Variants in CIT observed in about 807,000 individuals in gnomAD.
The protein encoded by CIT is citron Rho-interacting kinase.
A neutral mutation model predicts 272.7 loss-of-function variants in CIT; 79 were observed. The ratio of observed to expected loss-of-function variants is 0.29; its 90% CI spans 0.24 to 0.35. CIT has a LOEUF of 0.35. Among genes scored for constraint, CIT ranks in the 10% least tolerant of loss-of-function variants. CIT has a pLI of 1.00. For missense variants in CIT, 1,909 were observed against 2,618.3 expected (o/e 0.73, Z 5.91); for synonymous variants, 948 against 995.6 (o/e 0.95, Z 0.90).
Position 119,778,085 on chromosome 12 carries a change from C to G in CIT, c.1666-1243G>C, listed in dbSNP as rs532484504. Among the ~76,000 whole-genome samples the G allele has an allele frequency of 2.1e-4, 32 of 152,330 alleles. No homozygotes were observed. In the East Asian group the frequency reaches 5.8e-3, roughly 28 times the overall value. On this transcript the variant is annotated intron_variant, in intron 13 of 47. Coordinates refer to ENST00000392521, the MANE Select transcript of CIT (RefSeq NM_001206999.2). ...GTAACATCACTCCTGCAATGCAAGT[C>G]ACCCTGAAATCTGGAAGAGTCACAA...
chr12:119,844,831 C>T (rs1054584785), intron 5 of CIT, among the ~76,000 whole-genome samples: 1 of 152,006 alleles, frequency 6.6e-6, no homozygotes, highest in African/African-American at 2.4e-5. Flanking sequence ...GCATTAAGAA[C>T]CCTCCTAGGC....
chr12:119,808,449 G>A (rs185333636), intron 9 of CIT, among the ~76,000 whole-genome samples: 312 of 151,866 alleles, frequency 2.1e-3, no homozygotes, highest in African/African-American at 7.0e-3. Flanking sequence ...GCCATTCCAC[G>A]CAACATACCA....
chr12:119,694,324 G>A lies in CIT; in HGVS notation c.5882+3335C>T, dbSNP rs773120376. Among the ~76,000 whole-genome samples, 10 of 152,198 alleles carry A rather than the reference G, an allele frequency of 6.6e-5. No individual in the cohort carries two copies. The highest frequency in any genetic ancestry group is 1.3e-4 in the Non-Finnish European group (9 of 68,048). On this transcript the variant is annotated intron_variant, in intron 46 of 47. Coordinates refer to ENST00000392521, the MANE Select transcript of CIT (RefSeq NM_001206999.2). The surrounding 1 kb of genome is among the most constrained non-coding windows in gnomAD (Gnocchi z 4.5). ...AGTCATTTATTGCAGCAACAGATTGGAGACAACTCGAACAGCCATTAATGA... is the reference window on the plus strand; with the variant it reads ...AGTCATTTATTGCAGCAACAGATTGAAGACAACTCGAACAGCCATTAATGA...
chr12:119,731,848 T>C (rs918961384), intron 26 of CIT, among the ~76,000 whole-genome samples: 1 of 141,346 alleles, frequency 7.1e-6, no homozygotes, highest in African/African-American at 3.0e-5. Context: ...ATACTTTTTT[T>C]TTTTTGAGAT....
chr12:119,797,867 T>C (rs773440838), intron 10 of CIT, among the ~76,000 whole-genome samples: 6 of 152,168 alleles, frequency 3.9e-5, no homozygotes, highest in Non-Finnish European at 8.8e-5. Context: ...AATGTAGATG[T>C]GAATAGACAT....
At position 119,712,042 on chromosome 12, in the gene CIT, C is replaced by G. The variant is rs1957187980; in HGVS notation, c.4854+136G>C. ...CACCACCAGACTCCTGGCCATGACA[C>G]AGTCTAGAGCCATCAGCCCTCAGAG... On this transcript the variant is annotated intron_variant, in intron 37 of 47. Transcript: ENST00000392521. The surrounding 1 kb of genome is among the most constrained non-coding windows in gnomAD (Gnocchi z 5.2). The G allele has an allele frequency of 1.3e-6, 1 of 754,066 alleles. No individual in the cohort carries two copies. The highest frequency in any genetic ancestry group is 1.8e-5 in the African/African-American group (1 of 56,202). The allele number at this position is 754,066 out of a possible 1,614,324, so 46.7% of individuals were successfully genotyped here.
intron 7 of CIT, among the ~76,000 whole-genome samples, chr12:119,825,691 T>C (rs1021837871): frequency 6.6e-6 from 1 of 152,212 alleles, no homozygotes; most frequent in Non-Finnish European, 1.5e-5. Context: ...GTTATTGACA[T>C]GATGGAACTT....
In CIT at chr12:119,712,962, G is replaced by A. The variant is rs543125881; in HGVS notation, c.4579+241C>T. On this transcript the variant is annotated intron_variant, in intron 35 of 47. Coordinates refer to ENST00000392521, the MANE Select transcript of CIT (RefSeq NM_001206999.2). This position sits in a 1 kb window ranked among gnomAD's most constrained non-coding sequence, Gnocchi z 5.2. ...TTAGTTGACTGAGGCAGAAGTTCTCGGAAGGTGTATTAGCAGGTGGAATCT... is the reference window on the plus strand; with the variant it reads ...TTAGTTGACTGAGGCAGAAGTTCTCAGAAGGTGTATTAGCAGGTGGAATCT... 30 of 583,770 alleles carry A rather than the reference G, an allele frequency of 5.1e-5. No homozygotes were observed. The highest frequency in any genetic ancestry group is 4.8e-4 in the South Asian group (23 of 48,154). The allele number at this position is 583,770 out of a possible 1,614,324, so 36.2% of individuals were successfully genotyped here.
rs772589556 is a variant in CIT, at chr12:119,718,227, C to A, written c.4168+18G>T. 1.9e-6 allele frequency: 3 copies of A among 1,589,884 alleles called. No homozygotes were observed. Among genetic ancestry groups the A allele is most frequent in the Non-Finnish European group, 2.6e-6 (3 of 1,166,278 alleles). On this transcript the variant is annotated intron_variant, in intron 32 of 47. Coordinates refer to ENST00000392521, the MANE Select transcript of CIT (RefSeq NM_001206999.2). The surrounding 1 kb of genome is among the most constrained non-coding windows in gnomAD (Gnocchi z 4.8). ...GTCTTAGTCGACTAAAAGAAATTTC[C>A]ATACAACTCCAACGTACCCTCTGGA...
chr12:119,698,205 C>A, intron 44 of CIT, 151 bp from the exon 45 acceptor site: 2 of 694,180 alleles, frequency 2.9e-6, no homozygotes, highest in Non-Finnish European at 2.6e-6. Flanking sequence ...AACAGTCATG[C>A]ATGTTCGAGG....
intron 39 of CIT, among the ~76,000 whole-genome samples, chr12:119,709,382 G>A (rs949554926): frequency 1.2e-4 from 18 of 151,892 alleles, no homozygotes; most frequent in African/African-American, 2.9e-4. Context: ...AGTGGGGGAG[G>A]CTATGCATAT....
chr12:119,808,861 C>T (rs749634290), intron 9 of CIT, among the ~76,000 whole-genome samples: 3 of 152,040 alleles, frequency 2.0e-5, no homozygotes, highest in Non-Finnish European at 2.9e-5. Flanking sequence ...AAATCTAGAG[C>T]GCTAATGTGA....
At position 119,697,524 on chromosome 12, in the gene CIT, C is replaced by A. The variant is rs1033330795; in HGVS notation, c.5882+135G>T. 2 of 957,044 alleles carry A rather than the reference C, an allele frequency of 2.1e-6. No individual in the cohort carries two copies. Among genetic ancestry groups the A allele is most frequent in the Non-Finnish European group, 3.1e-6 (2 of 637,972 alleles). 59.3% of individuals were successfully genotyped at this position (957,044 alleles called of 1,614,324 possible). A position where few individuals can be genotyped will look rare whatever the true frequency, so the allele number is the denominator to read the frequency against. On this transcript the variant is annotated intron_variant, in intron 46 of 47. Transcript: ENST00000392521. The surrounding 1 kb of genome is among the most constrained non-coding windows in gnomAD (Gnocchi z 4.9). ...TCTGTGTTATTTCAGTGCCGCAGATCGCAAACAAATGAATGGTTTGAGCTT... is the reference window on the plus strand; with the variant it reads ...TCTGTGTTATTTCAGTGCCGCAGATAGCAAACAAATGAATGGTTTGAGCTT...
At chr12:119,732,878 A>T (rs1958538744) in intron 26 of CIT, among the ~76,000 whole-genome samples, 1 of 152,248 alleles carries the variant, frequency 6.6e-6, no homozygotes, top group Non-Finnish European at 1.5e-5. Context: ...TCAGCTGTGC[A>T]GACAGGAAGT....
intron 8 of CIT, among the ~76,000 whole-genome samples, chr12:119,824,862 G>A (rs1254695061): frequency 4.6e-5 from 7 of 152,106 alleles, no homozygotes; most frequent in Admixed American, 4.6e-4. Flanking sequence ...ACAGCGGCGC[G>A]ATCTTGGCTC....
In CIT at chr12:119,817,127, A is replaced by G. The variant is rs530712018; in HGVS notation, c.1111+5693T>C. 2.0e-5 allele frequency among the ~76,000 whole-genome samples: 3 copies of G among 152,310 alleles called. No homozygotes were observed. In the South Asian group the frequency reaches 6.2e-4, roughly 32 times the overall value. Reference sequence around the variant, plus strand: ...ATTGTCCTTTCCCAGGCTAGATCTGAGACATGGGGAGAGTTATAGGTTAGC... The same window carrying G: ...ATTGTCCTTTCCCAGGCTAGATCTGGGACATGGGGAGAGTTATAGGTTAGC... On this transcript the variant is annotated intron_variant, in intron 9 of 47. Coordinates refer to ENST00000392521, the MANE Select transcript of CIT (RefSeq NM_001206999.2).
At chr12:119,707,194 A>ATTTTT (rs1956920155) in intron 40 of CIT, among the ~76,000 whole-genome samples, 1 of 152,188 alleles carries the variant, frequency 6.6e-6, no homozygotes, top group African/African-American at 2.4e-5. Context: ...ATACACACGC[A>ATTTTT]CATGCAAACA....
chr12:119,777,727 A>C (rs1963913126), intron 13 of CIT, among the ~76,000 whole-genome samples: 2 of 152,176 alleles, frequency 1.3e-5, no homozygotes, highest in Admixed American at 1.3e-4. Context: ...TGTCATTAGC[A>C]AAACCACCGG....
chr12:119,701,988 TGA>T lies in CIT; in HGVS notation c.5305-32_5305-31del, dbSNP rs764978291. The T allele has an allele frequency of 1.9e-6, 3 of 1,562,700 alleles. No individual in the cohort carries two copies. In the South Asian group the frequency reaches 3.3e-5, roughly 17 times the overall value. On this transcript the variant is annotated intron_variant, in intron 41 of 47. Transcript: ENST00000392521. ...GACATGAGAGCAGAAGAGAAGGATG[TGA>T]GAGGTAACACAGGGCAGCCAAGGTC...
Sources: allele counts gnomAD v4.1 joint callset (sites outside exome capture counted in the v4.1 genomes callset), GRCh38; gene constraint gnomAD v4.1.1; non-coding constraint Gnocchi (gnomAD v3.1); transcripts MANE v1.5; gene names NCBI Gene and HGNC (gene_info 2026-07-23, HGNC 2026-07-21).